Variants in CDH23 observed in about 807,000 individuals in gnomAD.
CDH23 encodes cadherin-23.
A neutral mutation model predicts 317.1 loss-of-function variants in CDH23; 189 were observed. The observed-to-expected ratio is 0.60, with a 90% CI of 0.53 to 0.67. The LOEUF (loss-of-function observed/expected upper bound fraction) is 0.67. Ranked by LOEUF, CDH23 falls within the 30% of genes least tolerant of loss-of-function variation. CDH23 has a pLI of 0.00. For missense variants in CDH23, 4,401 were observed against 4,592.4 expected, an observed-to-expected ratio of 0.96 and a Z score of 1.20; for synonymous variants, 1,839 against 1,876.8, an observed-to-expected ratio of 0.98 and a Z score of 0.52.
At chr10:71,735,619 C>T (rs914321270) in intron 34 of CDH23, among the ~76,000 whole-genome samples, 1 of 152,190 alleles carries the variant, frequency 6.6e-6, no homozygotes, top group Non-Finnish European at 1.5e-5. Flanking sequence ...ATTGCCACGC[C>T]CTGCTGAGTC....
At position 71,682,580 on chromosome 10, in the gene CDH23, C is replaced by T. The variant is rs2132682830; in HGVS notation, c.1986+8C>T. 1 of 1,612,518 alleles carries T rather than the reference C, an allele frequency of 6.2e-7. No individual in the cohort carries two copies. Among genetic ancestry groups the T allele is most frequent in the Non-Finnish European group, 8.5e-7 (1 of 1,179,304 alleles). ...GTCACCATCGAGGTGTTTGTAAGTA[C>T]CCAGGGCCACTGGCCTTGCCCTGCT... On this transcript the variant is annotated splice_region_variant and intron_variant, in intron 18 of 69. Coordinates refer to ENST00000224721, the MANE Select transcript of CDH23 (RefSeq NM_022124.6).
At chr10:71,679,346 T>C in intron 16 of CDH23, 41 bp from the exon 17 acceptor site, 1 of 1,028,360 alleles carries the variant, frequency 9.7e-7, no homozygotes, top group Non-Finnish European at 1.4e-6. Context: ...GCCCCCAGTC[T>C]CCTGCAGGCT....
chr10:71,658,884 A>T (rs893827457), intron 14 of CDH23, among the ~76,000 whole-genome samples: 2 of 152,154 alleles, frequency 1.3e-5, no homozygotes, highest in African/African-American at 4.8e-5. Flanking sequence ...AAGTCCAGGG[A>T]AAGTGGGCTT....
At chr10:71,674,204 T>TTA (rs1864264340) in intron 14 of CDH23, among the ~76,000 whole-genome samples, 1 of 152,230 alleles carries the variant, frequency 6.6e-6, no homozygotes. Context: ...TATTTTTCAC[T>TTA]TATCTGCCTT....
At chr10:71,497,396 A>C (rs531244969) in intron 3 of CDH23, among the ~76,000 whole-genome samples, 1 of 152,112 alleles carries the variant, frequency 6.6e-6, no homozygotes, top group African/African-American at 2.4e-5. Flanking sequence ...CAAGACTTCA[A>C]CCCTCATGGG....
In CDH23 at chr10:71,778,162, T is replaced by C. The variant is rs761313117; in HGVS notation, c.5068-27T>C. ...TGCAGACCTACCACCCCTAGATCCA[T>C]CCTTGTCCCTTCCCTGTGTCCCCCA... is the stretch of plus-strand genomic sequence containing the variant. On this transcript the variant is annotated intron_variant, in intron 39 of 69. Transcript: ENST00000224721. 28 of 1,613,588 alleles carry C rather than the reference T, an allele frequency of 1.7e-5. No homozygotes were observed. The South Asian group carries it at 3.1e-4, about 18-fold the overall frequency.
At chr10:71,662,728 C>G (rs950971859) in intron 14 of CDH23, among the ~76,000 whole-genome samples, 7 of 152,224 alleles carry the variant, frequency 4.6e-5, no homozygotes, top group African/African-American at 1.2e-4. Context: ...GGGCCCAAGT[C>G]CTTTCTGACT....
chr10:71,634,591 T>G (rs938534420), intron 11 of CDH23, among the ~76,000 whole-genome samples: 5 of 152,222 alleles, frequency 3.3e-5, no homozygotes, highest in African/African-American at 1.2e-4. Flanking sequence ...GTTTTCCACG[T>G]GGGCCAGGTG....
chr10:71,692,372 TCCA>T, intron 20 of CDH23, among the ~76,000 whole-genome samples: 1 of 152,202 alleles, frequency 6.6e-6, no homozygotes, highest in African/African-American at 2.4e-5. Flanking sequence ...CGACTTTGTC[TCCA>T]AAGGTGTAAG....
chr10:71,405,412 G>T (rs1848048626), intron 1 of CDH23, among the ~76,000 whole-genome samples: 1 of 151,582 alleles, frequency 6.6e-6, no homozygotes, highest in Non-Finnish European at 1.5e-5. Context: ...GTCTTAGAGG[G>T]TGAGGCATGG....
At chr10:71,572,530 G>C (rs1014523448) in intron 8 of CDH23, among the ~76,000 whole-genome samples, 1 of 152,186 alleles carries the variant, frequency 6.6e-6, no homozygotes. Flanking sequence ...AGATGGTAAT[G>C]GAATGGATAA....
At chr10:71,573,631 T>C (rs927616937) in intron 8 of CDH23, among the ~76,000 whole-genome samples, 2 of 152,226 alleles carry the variant, frequency 1.3e-5, no homozygotes, top group African/African-American at 4.8e-5. Context: ...GATCTTGATG[T>C]CTCTTTGCCT....
chr10:71,544,797 C>A (rs1856182550), intron 6 of CDH23, among the ~76,000 whole-genome samples: 1 of 152,238 alleles, frequency 6.6e-6, no homozygotes, highest in Admixed American at 6.5e-5. Flanking sequence ...TAACTCTCCC[C>A]ACCTTCAAAG....
chr10:71,567,364 C>T (rs1857469033), intron 7 of CDH23, among the ~76,000 whole-genome samples: 1 of 152,236 alleles, frequency 6.6e-6, no homozygotes, highest in Non-Finnish European at 1.5e-5. Flanking sequence ...TGTGTCCTGA[C>T]ACCATCCAAC....
intron 38 of CDH23, among the ~76,000 whole-genome samples, chr10:71,774,049 G>T (rs993191135): frequency 6.9e-6 from 1 of 145,586 alleles, no homozygotes; most frequent in African/African-American, 2.5e-5. Flanking sequence ...GCATGCGCGC[G>T]CGCACACACA....
rs3747869 is a variant in CDH23 at position 71,760,875 on chromosome 10, A to C, written c.4846-16805A>C. On this transcript the variant is annotated intron_variant, in intron 38 of 69. Coordinates refer to ENST00000224721, the MANE Select transcript of CDH23 (RefSeq NM_022124.6). ...AAGAGGTTGGTCCCTTACTTTCACT[A>C]TCCTGGGAGGAGGATGGGTACACCA... 1,447,184 of 1,613,268 alleles carry C rather than the reference A, an allele frequency of 0.9. 650,292 individuals are homozygous for C. Among genetic ancestry groups the C allele is most frequent in the African/African-American group, 0.97 (72,961 of 74,996 alleles).
chr10:71,481,738 C>T (rs1195796797), intron 3 of CDH23, among the ~76,000 whole-genome samples: 4 of 152,224 alleles, frequency 2.6e-5, no homozygotes, highest in Non-Finnish European at 5.9e-5. Flanking sequence ...CAATTCCATC[C>T]TGAGCCAAGC....
intron 6 of CDH23, among the ~76,000 whole-genome samples, chr10:71,549,672 G>A (rs1856474299): frequency 6.6e-6 from 1 of 152,248 alleles, no homozygotes; most frequent in Non-Finnish European, 1.5e-5. Flanking sequence ...GCAGAACAGA[G>A]GAGAGGCAGC....
chr10:71,744,214 T>G (rs558939270), intron 38 of CDH23, among the ~76,000 whole-genome samples: 2 of 152,222 alleles, frequency 1.3e-5, no homozygotes, highest in African/African-American at 4.8e-5. Context: ...GGAGAATGGA[T>G]TTGGGGTGGG....
Sources: allele counts gnomAD v4.1 joint callset (sites outside exome capture counted in the v4.1 genomes callset), GRCh38; gene constraint gnomAD v4.1.1; transcripts MANE v1.5; gene names NCBI Gene and HGNC (gene_info 2026-07-23, HGNC 2026-07-21).